STK32A: variants seen among roughly 807,000 people sequenced by gnomAD.
STK32A encodes the protein serine/threonine-protein kinase 32A.
A neutral mutation model predicts 53.2 loss-of-function variants in STK32A; 41 were observed. The ratio of observed to expected loss-of-function variants is 0.77; its 90% confidence interval spans 0.60 to 1.00. STK32A has a LOEUF of 1.00. STK32A is among the 50% of genes least tolerant of loss of function. The pLI is 0.00. For synonymous variants in STK32A, 166 were observed against 162.8 expected (o/e 1.02, Z -0.15); for missense variants, 458 against 485.8 (o/e 0.94, Z 0.54).
chr5:147,284,704 C>A (rs112032563), intron 4 of STK32A, among the ~76,000 whole-genome samples: 4,907 of 75,806 alleles, frequency 0.065, 116 homozygotes, highest in Non-Finnish European at 0.091. Context: ...AACAAAAAAA[C>A]AACAAAAAAA....
intron 8 of STK32A, among the ~76,000 whole-genome samples, chr5:147,368,353 C>T (rs1478655418): frequency 6.6e-6 from 1 of 152,194 alleles, no homozygotes; most frequent in Non-Finnish European, 1.5e-5. Flanking sequence ...TCTCTATATG[C>T]TCACTGTTAG....
chr5:147,351,250 A>T, intron 7 of STK32A, 96 bp downstream of exon 7: 2 of 1,057,730 alleles, frequency 1.9e-6, no homozygotes, highest in South Asian at 1.4e-5. Flanking sequence ...AGAACTGGTA[A>T]GTTCCTCTCT....
intron 6 of STK32A, among the ~76,000 whole-genome samples, chr5:147,345,311 T>A (rs1581120667): frequency 6.6e-6 from 1 of 152,240 alleles, no homozygotes; most frequent in Admixed American, 6.5e-5. Flanking sequence ...ACTGACCTGA[T>A]ACGTGTGAAG....
the STK32A span, among the ~76,000 whole-genome samples, chr5:147,395,139 T>C: frequency 6.6e-6 from 1 of 152,244 alleles, no homozygotes; most frequent in African/African-American, 2.4e-5. Flanking sequence ...AAATCCTAGG[T>C]TAGAAGACGC....
chr5:147,324,266 A>C (rs1294111274), intron 5 of STK32A, among the ~76,000 whole-genome samples, 195 bp downstream of exon 5: 1 of 152,226 alleles, frequency 6.6e-6, no homozygotes, highest in Non-Finnish European at 1.5e-5. Context: ...AATTTGCCAA[A>C]GGTCACAGTA....
chr5:147,331,713 T>C (rs1459770198), intron 5 of STK32A, among the ~76,000 whole-genome samples: 1 of 152,152 alleles, frequency 6.6e-6, no homozygotes, highest in African/African-American at 2.4e-5. Flanking sequence ...GTATGACTGG[T>C]GTCCTTATGA....
chr5:147,314,362 G>T (rs1753852303), intron 4 of STK32A, among the ~76,000 whole-genome samples: 1 of 151,928 alleles, frequency 6.6e-6, no homozygotes, highest in South Asian at 2.1e-4. Context: ...GCTGGGTGTG[G>T]TGTCAGGTAC....
intron 4 of STK32A, among the ~76,000 whole-genome samples, chr5:147,323,653 T>C (rs780488886): frequency 1.2e-4 from 18 of 152,318 alleles, no homozygotes; most frequent in Non-Finnish European, 2.4e-4. Flanking sequence ...ATGTCAAGCA[T>C]GACAATAAGT....
At chr5:147,244,846 A>T (rs1753716209) in intron 2 of STK32A, among the ~76,000 whole-genome samples, 1 of 152,234 alleles carries the variant, frequency 6.6e-6, no homozygotes, top group African/African-American at 2.4e-5. Flanking sequence ...CAAGTAAAAC[A>T]CTTAGCAAAG....
chr5:147,330,824 T>C (rs1754832745), intron 5 of STK32A, among the ~76,000 whole-genome samples: 2 of 152,226 alleles, frequency 1.3e-5, no homozygotes, highest in African/African-American at 4.8e-5. Flanking sequence ...TGATAGTGAC[T>C]TGTGATAAAT....
intron 4 of STK32A, among the ~76,000 whole-genome samples, chr5:147,302,642 CAGTGATTGGAA>C (rs1220509395): frequency 6.6e-6 from 1 of 151,986 alleles, no homozygotes; most frequent in Non-Finnish European, 1.5e-5. Flanking sequence ...TAACAAAGAT[CAGTGATTGGAA>C]AGGGGAGGTC....
chr5:147,395,524 C>A, the STK32A span: 2 of 1,582,592 alleles, frequency 1.3e-6, no homozygotes, highest in East Asian at 4.6e-5. Context: ...CCCCTTCCCC[C>A]TTCTCTTATC....
chr5:147,374,889 C>T (rs762494976), intron 10 of STK32A, among the ~76,000 whole-genome samples: 15 of 152,008 alleles, frequency 9.9e-5, no homozygotes, highest in Non-Finnish European at 2.1e-4. Flanking sequence ...TCATTGAGGC[C>T]TAATTGAGAG....
At chr5:147,249,789 T>C (rs1753903892) in intron 2 of STK32A, among the ~76,000 whole-genome samples, 1 of 151,172 alleles carries the variant, frequency 6.6e-6, no homozygotes, top group Non-Finnish European at 1.5e-5. Flanking sequence ...GGTGGGCACC[T>C]GTAATCCCAG....
chr5:147,237,113 C>T (rs1414011936), intron 1 of STK32A, among the ~76,000 whole-genome samples: 1 of 152,024 alleles, frequency 6.6e-6, no homozygotes, highest in Non-Finnish European at 1.5e-5. Context: ...GAGATCGAGA[C>T]CATCCTGGCT....
chr5:147,263,811 A>G (rs1316836517), intron 2 of STK32A, among the ~76,000 whole-genome samples: 2 of 152,266 alleles, frequency 1.3e-5, no homozygotes, highest in Non-Finnish European at 2.9e-5. Flanking sequence ...ACATATTTTA[A>G]GAAAAAGAGT....
chr5:147,299,656 G>A (rs1237697094), intron 4 of STK32A, among the ~76,000 whole-genome samples: 2 of 152,114 alleles, frequency 1.3e-5, no homozygotes, highest in African/African-American at 4.8e-5. Flanking sequence ...CATTTATTGG[G>A]GCTCAAAGCT....
At position 147,384,883 on chromosome 5, in the gene STK32A, G is replaced by A. The variant is rs78964133; in HGVS notation, c.*900G>A. 2.6e-5 allele frequency: 4 copies of A among 155,888 alleles called. No individual in the cohort carries two copies. The highest frequency in any genetic ancestry group is 9.6e-5 in the African/African-American group (4 of 41,514). 9.7% of individuals were successfully genotyped at this position (155,888 alleles called of 1,614,324 possible). Reference sequence around the variant, plus strand: ...AGTTCAGAAAAGTTGCATCTTATATGGGGTTTATTGTCTAAGTTAGAAATG... The same window carrying A: ...AGTTCAGAAAAGTTGCATCTTATATAGGGTTTATTGTCTAAGTTAGAAATG... On this transcript the variant is annotated 3_prime_UTR_variant, in exon 13 of 13. Coordinates refer to ENST00000397936, the MANE Select transcript of STK32A (RefSeq NM_001112724.2).
At chr5:147,281,939 T>C (rs897847404) in intron 4 of STK32A, among the ~76,000 whole-genome samples, 3 of 152,172 alleles carry the variant, frequency 2.0e-5, no homozygotes, top group Non-Finnish European at 4.4e-5. Flanking sequence ...CTAGAAGGGA[T>C]TGGAGCCCTA....
Sources: gnomAD v4.1 joint callset for allele counts (sites outside exome capture counted in the v4.1 genomes callset) on GRCh38, gnomAD v4.1.1 for gene constraint, MANE v1.5 for transcripts, NCBI Gene and HGNC (gene_info 2026-07-23, HGNC 2026-07-21) for gene names.